The following N4BP1 variants were observed in gnomAD, a reference collection of about 807,000 sequenced individuals.
The protein encoded by N4BP1 is NEDD4 binding protein 1.
Under a neutral mutation model 70.9 loss-of-function variants are expected in N4BP1, and 21 were observed. That is an observed-to-expected ratio of 0.30 (90% CI 0.21 to 0.43). The LOEUF is 0.43. Ranked by LOEUF, N4BP1 falls within the 20% of genes least tolerant of loss-of-function variation. The probability of loss-of-function intolerance (pLI) is 1.00; values close to 1 mark genes in which losing one functional copy is unlikely to be tolerated. For synonymous variants in N4BP1, 387 were observed against 394.6 expected, an observed-to-expected ratio of 0.98 and a Z score of 0.23; for missense variants, 936 against 1,069.4, an observed-to-expected ratio of 0.88 and a Z score of 1.74.
At chr16:48,595,240 TCATTTGAGGC>T (rs1413738017) in intron 1 of N4BP1, among the ~76,000 whole-genome samples, 6 of 151,810 alleles carry the variant, frequency 4.0e-5, no homozygotes, top group Admixed American at 1.3e-4. Flanking sequence ...GGCGGGTGGA[TCATTTGAGGC>T]CAGGAGTTCG....
At chr16:48,578,481 G>A (rs1392350542) in intron 1 of N4BP1, 1 of 152,250 alleles carries the variant, frequency 6.6e-6, no homozygotes, top group African/African-American at 2.4e-5. Context: ...TAACAGTTCT[G>A]AATCAGAGCT....
rs75251174 is a variant in N4BP1 at position 48,580,935 on chromosome 16, G to A, written c.199-18491C>T. 6.9e-3 allele frequency among the ~76,000 whole-genome samples: 1,053 copies of A among 152,098 alleles called. 14 individuals are homozygous for A. The highest frequency in any genetic ancestry group is 0.024 in the African/African-American group (998 of 41,490). ...ACAGGAAAATATACATAGATTATAC[G>A]CAAACACTATACCATTTTATACCAG... On this transcript the variant is annotated intron_variant, in intron 1 of 6. Coordinates refer to ENST00000262384, the MANE Select transcript of N4BP1 (RefSeq NM_153029.4).
rs1245489703 is a variant in N4BP1 at position 48,574,828 on chromosome 16, G to GT, written c.199-12385dup. ...GACATTGTTTGGGTTACAAAATTAAGTAAGAGTCAGATCCTCTGAAAGCAT... is the reference window on the plus strand; with the variant it reads ...GACATTGTTTGGGTTACAAAATTAAGTTAAGAGTCAGATCCTCTGAAAGCAT... On this transcript the variant is annotated intron_variant, in intron 1 of 6. Transcript: ENST00000262384. Among the ~76,000 whole-genome samples the GT allele has an allele frequency of 5.9e-5, 9 of 152,176 alleles. No individual in the cohort carries two copies. In the East Asian group the frequency reaches 1.7e-3, roughly 29 times the overall value.
rs1963859838 is a variant in N4BP1 at position 48,561,707 on chromosome 16, A to G, written c.936T>C (p.Asp312=). The change falls in exon 2 of 7, where the codon GAT becomes GAC. Residue 312 remains aspartate, a synonymous_variant. Transcript: ENST00000262384. ...ENVQEGEILH[D]AKTLAGNVIA... ...TTACATTTCCAGCCAATGTCTTAGC[A>G]TCGTGTAAAATCTCCCCCTCCTGAA... is the stretch of plus-strand genomic sequence containing the variant. 1 of 1,612,386 alleles carries G rather than the reference A, an allele frequency of 6.2e-7. No homozygotes were observed. The highest frequency in any genetic ancestry group is 1.3e-5 in the African/African-American group (1 of 74,938).
chr16:48,564,162 C>T (rs1963903987), intron 1 of N4BP1, among the ~76,000 whole-genome samples: 1 of 152,108 alleles, frequency 6.6e-6, no homozygotes, highest in Admixed American at 6.5e-5. Flanking sequence ...GATATTTTCT[C>T]CTGGTCTGTA....
In N4BP1 at chr16:48,560,756, A is replaced by C; in HGVS notation, c.1887T>G (p.Ile629Met). The part of the protein sequence containing the change: ...HIVIDGSNVA[I>M]THGLKKFFSC... ...TAATCTGCAGAGAATGGACTTACGT[A>C]ATTGCAACATTGCTCCCATCTATAA... Residue 629 changes from isoleucine (I) to methionine (M), a missense_variant and splice_region_variant, in exon 2 of 7, where the codon ATT (isoleucine) becomes ATG (methionine). By Grantham distance (10) the Ile-to-Met change is conservative. This residue lies in a region of N4BP1 where 229 missense variants were observed against 343.5 expected (regional missense o/e 0.67). Transcript: ENST00000262384. The C allele has an allele frequency of 6.3e-7, 1 of 1,595,150 alleles. No homozygotes were observed.
rs1380791272 is a variant in N4BP1, at chr16:48,553,680, C to T, written c.1890-11G>A. The T allele has an allele frequency of 6.5e-7, 1 of 1,547,390 alleles. No individual in the cohort carries two copies. The highest frequency in any genetic ancestry group is 1.2e-5 in the South Asian group (1 of 80,486). On this transcript the variant is annotated splice_polypyrimidine_tract_variant and intron_variant, in intron 2 of 6. Transcript: ENST00000262384. ...TTTTTCAGACCATGGCTAGAAATTA[C>T]AAAGTAAAGAAAATAAGTAAAGTTT...
chr16:48,607,895 G>C (rs1352249119), intron 1 of N4BP1, among the ~76,000 whole-genome samples: 1 of 152,134 alleles, frequency 6.6e-6, no homozygotes, highest in East Asian at 1.9e-4. Flanking sequence ...ACGGAGTCTC[G>C]TGCTGTCGCC....
At chr16:48,609,235 A>C (rs2151105829) in intron 1 of N4BP1, among the ~76,000 whole-genome samples, 1 of 152,254 alleles carries the variant, frequency 6.6e-6, no homozygotes, top group South Asian at 2.1e-4. Context: ...AAAAATAGGT[A>C]AACATAAATC....
intron 6 of N4BP1, 147 bp from the exon 7 acceptor site, chr16:48,543,408 T>C (rs1003516097): frequency 7.9e-5 from 50 of 636,410 alleles, no homozygotes; most frequent in Admixed American, 3.4e-4. Context: ...GAGGTGGAGA[T>C]GGTGCCATGA....
At chr16:48,606,310 A>C (rs535759039) in intron 1 of N4BP1, among the ~76,000 whole-genome samples, 1 of 152,322 alleles carries the variant, frequency 6.6e-6, no homozygotes, top group East Asian at 1.9e-4. Flanking sequence ...CTAACTTGCA[A>C]CAATGTTCAT....
rs1036659451 is a variant in N4BP1, at chr16:48,542,402, C to T, written c.*502G>A. ...GACTGCAGAACAAACCAACTCTTACCCACTTTAACTCCGGGGGTGAGGGCA... is the reference window on the plus strand; with the variant it reads ...GACTGCAGAACAAACCAACTCTTACTCACTTTAACTCCGGGGGTGAGGGCA... On this transcript the variant is annotated 3_prime_UTR_variant, in exon 7 of 7. Coordinates refer to ENST00000262384, the MANE Select transcript of N4BP1 (RefSeq NM_153029.4). The T allele has an allele frequency of 6.5e-6, 1 of 152,790 alleles. No individual in the cohort carries two copies. The highest frequency in any genetic ancestry group is 2.1e-4 in the South Asian group (1 of 4,832). The allele number at this position is 152,790 out of a possible 1,614,324, so 9.5% of individuals were successfully genotyped here.
chr16:48,589,397 C>T (rs961447705), intron 1 of N4BP1, among the ~76,000 whole-genome samples: 4 of 152,072 alleles, frequency 2.6e-5, no homozygotes, highest in Admixed American at 6.6e-5. Context: ...TAATCAATCA[C>T]GCCTATGTAA....
At chr16:48,572,591 T>G (rs758942982) in intron 1 of N4BP1, among the ~76,000 whole-genome samples, 3 of 152,016 alleles carry the variant, frequency 2.0e-5, no homozygotes, top group South Asian at 2.1e-4. Flanking sequence ...TATCTGACAA[T>G]GAAATTCACC....
chr16:48,577,040 A>G (rs1001105076), intron 1 of N4BP1, among the ~76,000 whole-genome samples: 1 of 152,230 alleles, frequency 6.6e-6, no homozygotes, highest in Non-Finnish European at 1.5e-5. Context: ...CTATGATTAA[A>G]GGTGTAAGCC....
intron 1 of N4BP1, among the ~76,000 whole-genome samples, chr16:48,599,070 A>C (rs1256561804): frequency 1.3e-5 from 2 of 152,170 alleles, no homozygotes; most frequent in African/African-American, 4.8e-5. Flanking sequence ...ACAGAGGCTA[A>C]AGTTAGGAAA....
At chr16:48,563,561 G>C (rs766054598) in intron 1 of N4BP1, among the ~76,000 whole-genome samples, 4 of 151,906 alleles carry the variant, frequency 2.6e-5, no homozygotes, top group Non-Finnish European at 5.9e-5. Flanking sequence ...AATTTTGTAC[G>C]CTAGATGGGG....
intron 1 of N4BP1, among the ~76,000 whole-genome samples, chr16:48,568,023 T>A (rs1567434275): frequency 6.6e-6 from 1 of 152,170 alleles, no homozygotes. Context: ...ATGAGAATTA[T>A]TCAAACTATC....
intron 4 of N4BP1, among the ~76,000 whole-genome samples, chr16:48,548,818 C>T (rs1275148577): frequency 9.1e-6 from 1 of 110,416 alleles, no homozygotes; most frequent in Non-Finnish European, 1.8e-5. Flanking sequence ...CCAGCCTGGA[C>T]AACAGAACGA....
Sources: allele counts gnomAD v4.1 joint callset (sites outside exome capture counted in the v4.1 genomes callset), GRCh38; gene constraint gnomAD v4.1.1; regional missense constraint gnomAD v4.1.1; transcripts MANE v1.5; gene names NCBI Gene and HGNC (gene_info 2026-07-23, HGNC 2026-07-21).